The following PEX11B variants were observed in gnomAD, a reference collection of about 807,000 sequenced individuals.
PEX11B encodes the protein peroxisomal biogenesis factor 11 beta, also known as peroxisomal membrane protein 11B.
PEX11B carries 18 observed loss-of-function variants against 28.2 expected under a neutral mutation model. The ratio of observed to expected loss-of-function variants is 0.64; its 90% CI spans 0.44 to 0.95. The LOEUF is 0.95. PEX11B is among the 40% of genes least tolerant of loss of function. The pLI, the probability that PEX11B is intolerant of heterozygous loss-of-function variation, is 0.00. For missense variants in PEX11B, 305 were observed against 319.8 expected (o/e 0.95, Z 0.35); for synonymous variants, 128 against 128.7 (o/e 0.99, Z 0.04).
intron 3 of PEX11B, among the ~76,000 whole-genome samples, chr1:145,914,319 A>G (rs1647262751): frequency 6.6e-6 from 1 of 151,464 alleles, no homozygotes; most frequent in Non-Finnish European, 1.5e-5. Flanking sequence ...CGTTGCAGTG[A>G]GCTGAGATTG....
At position 145,917,644 on chromosome 1, in the gene PEX11B, G is replaced by A. The variant is rs79466319; in HGVS notation, c.172+57C>T. ...GGTACAGGAAGGAGGGACAAAGGAA[G>A]GTGAGCTGGGGATGGAGGAAAGGTT... On this transcript the variant is annotated intron_variant, in intron 2 of 3. Coordinates refer to ENST00000369306, the MANE Select transcript of PEX11B (RefSeq NM_003846.3). 2,488 of 961,028 alleles carry A rather than the reference G, an allele frequency of 2.6e-3. 46 individuals carry two copies. The African/African-American group carries it at 0.035, about 14-fold the overall frequency. The allele number at this position is 961,028 out of a possible 1,614,324, so 59.5% of individuals were successfully genotyped here.
In PEX11B at chr1:145,912,289, GATC is replaced by G. The variant is rs1559221515; in HGVS notation, c.649_651del (p.Asp217del). 1 of 1,614,146 alleles carries G rather than the reference GATC, an allele frequency of 6.2e-7. No individual in the cohort carries two copies. Among genetic ancestry groups the G allele is most frequent in the East Asian group, 2.2e-5 (1 of 44,876 alleles). On this transcript the variant is annotated inframe_deletion, in exon 4 of 4. Coordinates refer to ENST00000369306, the MANE Select transcript of PEX11B (RefSeq NM_003846.3). ...CCTAGTTTGTCCAGAGGAATGAAGA[GATC>G]ACAGGCATTTCTGACCACGTCTAGC... is the stretch of plus-strand genomic sequence containing the variant.
At chr1:145,913,592 A>AACACACACACAC (rs56031424) in intron 3 of PEX11B, among the ~76,000 whole-genome samples, 4 of 142,802 alleles carry the variant, frequency 2.8e-5, no homozygotes, top group East Asian at 4.1e-4. Flanking sequence ...TCCACTTGGC[A>AACACACACACAC]ACACACACAC....
intron 3 of PEX11B, among the ~76,000 whole-genome samples, chr1:145,914,961 T>C (rs1472644528): frequency 6.6e-6 from 1 of 152,212 alleles, no homozygotes; most frequent in Non-Finnish European, 1.5e-5. Context: ...TAGAGTACAA[T>C]GGCACGATCT....
rs587668435 is a variant in PEX11B at position 145,918,264 on chromosome 1, G to A, written c.56+369C>T. 1.2e-4 allele frequency: 123 copies of A among 985,462 alleles called. No individual in the cohort carries two copies. The African/African-American group carries it at 1.9e-3, about 15-fold the overall frequency. The allele number at this position is 985,462 out of a possible 1,614,324, so 61.0% of individuals were successfully genotyped here. A position where few individuals can be genotyped will look rare whatever the true frequency, so the allele number is the denominator to read the frequency against. The stretch of plus-strand genomic sequence containing the variant: ...CAGGGGAGTTCCCGAATGGCAGCAC[G>A]GTGTGGGGACACGGAAACTGGGAGT... On this transcript the variant is annotated intron_variant, in intron 1 of 3. Coordinates refer to ENST00000369306, the MANE Select transcript of PEX11B (RefSeq NM_003846.3).
intron 3 of PEX11B, among the ~76,000 whole-genome samples, 200 bp from the exon 4 acceptor site, chr1:145,912,766 A>G (rs1159411935): frequency 2.6e-5 from 4 of 152,148 alleles, no homozygotes; most frequent in Non-Finnish European, 5.9e-5. Context: ...CAGAAAGACA[A>G]ATACTGCATA....
rs1351930621 is a variant in PEX11B, at chr1:145,911,361, A to C, written c.*800T>G. On this transcript the variant is annotated 3_prime_UTR_variant, in exon 4 of 4. Transcript: ENST00000369306. Reference sequence around the variant, plus strand: ...GACCAGACCAAATGTCGATGAGCAAACTGAACTTTAATTTGCTTACCTGAA... The same window carrying C: ...GACCAGACCAAATGTCGATGAGCAACCTGAACTTTAATTTGCTTACCTGAA... The C allele has an allele frequency of 6.6e-6, 1 of 152,308 alleles. No homozygotes were observed. Among genetic ancestry groups the C allele is most frequent in the South Asian group, 2.1e-4 (1 of 4,834 alleles). The allele number at this position is 152,308 out of a possible 1,614,324, so 9.4% of individuals were successfully genotyped here. A position where few individuals can be genotyped will look rare whatever the true frequency, so the allele number is the denominator to read the frequency against.
Position 145,916,797 on chromosome 1 carries a change from A to G in PEX11B, c.374+20T>C. Reference sequence around the variant, plus strand: ...TAGAGGCTACAAAAAAAAATCTTAAAGGAGAACAGGATATCAAACCTGAAT... The same window carrying G: ...TAGAGGCTACAAAAAAAAATCTTAAGGGAGAACAGGATATCAAACCTGAAT... On this transcript the variant is annotated intron_variant, in intron 3 of 3. Coordinates refer to ENST00000369306, the MANE Select transcript of PEX11B (RefSeq NM_003846.3). The G allele has an allele frequency of 6.3e-7, 1 of 1,588,228 alleles. No homozygotes were observed. The highest frequency in any genetic ancestry group is 8.6e-7 in the Non-Finnish European group (1 of 1,157,130).
chr1:145,916,599 G>A (rs1312579719), intron 3 of PEX11B, among the ~76,000 whole-genome samples: 4 of 152,108 alleles, frequency 2.6e-5, no homozygotes, highest in Non-Finnish European at 5.9e-5. Flanking sequence ...ATCTTACCTT[G>A]CACAATATTA....
chr1:145,917,695 A>T lies in PEX11B; in HGVS notation c.172+6T>A. 6.7e-7 allele frequency: 1 copy of T among 1,495,152 alleles called. No homozygotes were observed. Among genetic ancestry groups the T allele is most frequent in the South Asian group, 1.1e-5 (1 of 88,632 alleles). The allele number at this position is 1,495,152 out of a possible 1,614,324, so 92.6% of individuals were successfully genotyped here. A position where few individuals can be genotyped will look rare whatever the true frequency, so the allele number is the denominator to read the frequency against. ...GGGGGATAAAAGGAAAGACAGAGTTACTTACGCTTTCTTCCAAGGCTCAGG... is the reference window on the plus strand; with the variant it reads ...GGGGGATAAAAGGAAAGACAGAGTTTCTTACGCTTTCTTCCAAGGCTCAGG... On this transcript the variant is annotated splice_donor_region_variant and intron_variant, in intron 2 of 3. Transcript: ENST00000369306.
At chr1:145,914,152 G>C (rs1553753570) in intron 3 of PEX11B, among the ~76,000 whole-genome samples, 1 of 152,190 alleles carries the variant, frequency 6.6e-6, no homozygotes, top group Non-Finnish European at 1.5e-5. Context: ...GAGGCAAGTG[G>C]ATCATGAGGT....
At position 145,912,082 on chromosome 1, in the gene PEX11B, G is replaced by C; in HGVS notation, c.*79C>G. The stretch of plus-strand genomic sequence containing the variant: ...TAACTTTAACCAAAGAGTAGAATTC[G>C]AATGAGGCTGGCACATGGGGGACGA... On this transcript the variant is annotated 3_prime_UTR_variant, in exon 4 of 4. Transcript: ENST00000369306. 2.6e-6 allele frequency: 3 copies of C among 1,143,588 alleles called. No homozygotes were observed. The highest frequency in any genetic ancestry group is 3.6e-6 in the Non-Finnish European group (3 of 838,656). 70.8% of individuals were successfully genotyped at this position (1,143,588 alleles called of 1,614,324 possible). A position where few individuals can be genotyped will look rare whatever the true frequency, so the allele number is the denominator to read the frequency against.
chr1:145,917,847 A>T (rs781996590), intron 1 of PEX11B, 31 bp from the exon 2 acceptor site: 23 of 1,518,696 alleles, frequency 1.5e-5, no homozygotes, highest in Non-Finnish European at 1.9e-5. Flanking sequence ...GGTAAGGTGG[A>T]GACCTCCCTA....
chr1:145,912,013 ATCT>A lies in PEX11B; in HGVS notation c.*145_*147del, dbSNP rs1657814443. On this transcript the variant is annotated 3_prime_UTR_variant, in exon 4 of 4. Transcript: ENST00000369306. Reference sequence around the variant, plus strand: ...TTCACGAGTCATCTTTCCTTACCTCATCTTCCCCAAAGCTCTTCCTCCACCCCT... The same window carrying A: ...TTCACGAGTCATCTTTCCTTACCTCATCCCCAAAGCTCTTCCTCCACCCCT... 1.8e-6 allele frequency: 1 copy of A among 564,062 alleles called. No homozygotes were observed. The highest frequency in any genetic ancestry group is 3.4e-5 in the South Asian group (1 of 29,350). 34.9% of individuals were successfully genotyped at this position (564,062 alleles called of 1,614,324 possible).
chr1:145,916,920 G>C lies in PEX11B; in HGVS notation c.271C>G (p.Leu91Val). Residue 91 changes from leucine to valine, a missense_variant, in exon 3 of 4, where the codon CTC becomes GTC. Transcript: ENST00000369306. ...VLRFCITVSH[L>V]NRALYFACDN... The stretch of plus-strand genomic sequence containing the variant: ...CAGGCGAAGTACAAGGCTCGATTGA[G>C]GTGACTAACAGTGATGCAGAATCTC... 1.2e-6 allele frequency: 2 copies of C among 1,613,842 alleles called. No homozygotes were observed. The highest frequency in any genetic ancestry group is 1.7e-6 in the Non-Finnish European group (2 of 1,179,718).
chr1:145,915,147 G>A (rs1157313257), intron 3 of PEX11B, among the ~76,000 whole-genome samples: 1 of 152,080 alleles, frequency 6.6e-6, no homozygotes, highest in East Asian at 1.9e-4. Context: ...CAGGTGATCC[G>A]CCCGCCTTGG....
At chr1:145,912,952 G>A (rs1272765918) in intron 3 of PEX11B, among the ~76,000 whole-genome samples, 1 of 152,076 alleles carries the variant, frequency 6.6e-6, no homozygotes, top group Non-Finnish European at 1.5e-5. Context: ...GCCAGTTGTG[G>A]TGGCCAGCAC....
intron 3 of PEX11B, among the ~76,000 whole-genome samples, chr1:145,914,383 A>AAC (rs1559222971): frequency 6.6e-6 from 1 of 151,780 alleles, no homozygotes; most frequent in African/African-American, 2.4e-5. Context: ...CAAAAAAAAA[A>AAC]AAAACCAAAA....
intron 1 of PEX11B, chr1:145,918,057 T>C: frequency 3.0e-6 from 3 of 984,976 alleles, no homozygotes; most frequent in Non-Finnish European, 2.4e-6. Flanking sequence ...GATTTGACAA[T>C]GATGAGGCCT....
Sources: allele counts gnomAD v4.1 joint callset (sites outside exome capture counted in the v4.1 genomes callset), GRCh38; gene constraint gnomAD v4.1.1; transcripts MANE v1.5; gene names NCBI Gene and HGNC (gene_info 2026-07-23, HGNC 2026-07-21).